The following C19orf38 variants were observed in gnomAD, a reference collection of about 807,000 sequenced individuals.
C19orf38 encodes the protein protein HIDE1.
In C19orf38, 14 loss-of-function variants were observed where a neutral mutation model predicts 26.6. The ratio of observed to expected loss-of-function variants is 0.53; its 90% CI spans 0.35 to 0.82. C19orf38 has a LOEUF of 0.82. Among genes scored for constraint, C19orf38 ranks in the 40% least tolerant of loss-of-function variants. The pLI is 0.01. For synonymous variants in C19orf38, 132 were observed against 128.5 expected (o/e 1.03, Z -0.18); for missense variants, 261 against 299.5 (o/e 0.87, Z 0.95).
intron 5 of C19orf38, 121 bp downstream of exon 5, chr19:10,860,079 C>G: frequency 1.0e-6 from 1 of 1,003,798 alleles, no homozygotes; most frequent in Non-Finnish European, 1.5e-6. Flanking sequence ...AGGGTCAAAA[C>G]ACACCCTCGC....
intron 6 of C19orf38, 75 bp from the exon 7 acceptor site, chr19:10,869,143 C>T: frequency 6.5e-7 from 1 of 1,527,406 alleles, no homozygotes; most frequent in Non-Finnish European, 8.9e-7. Context: ...GAGTCTCAGG[C>T]TCAGAACATG....
intron 3 of C19orf38, among the ~76,000 whole-genome samples, chr19:10,857,362 A>ATTTTTTT (rs1304594112): frequency 1.3e-4 from 11 of 81,604 alleles, no homozygotes; most frequent in African/African-American, 9.7e-4. Flanking sequence ...ATATATATAT[A>ATTTTTTT]TATATTTTTT....
intron 6 of C19orf38, among the ~76,000 whole-genome samples, chr19:10,868,608 G>C (rs993149922): frequency 6.6e-6 from 1 of 152,136 alleles, no homozygotes; most frequent in Non-Finnish European, 1.5e-5. Flanking sequence ...TCACCTCCTG[G>C]GTTCAGGTGA....
intron 2 of C19orf38, among the ~76,000 whole-genome samples, chr19:10,855,103 T>C (rs987265666): frequency 1.4e-5 from 2 of 139,622 alleles, no homozygotes; most frequent in Non-Finnish European, 3.1e-5. Context: ...AATGGCCCAA[T>C]CTCGGCTCAC....
At chr19:10,856,910 C>T (rs2073631645) in intron 3 of C19orf38, among the ~76,000 whole-genome samples, 2 of 152,064 alleles carry the variant, frequency 1.3e-5, no homozygotes, top group Admixed American at 1.3e-4. Flanking sequence ...AGTTCTCCTG[C>T]CTCAGCCTCC....
chr19:10,859,346 G>GTA (rs2073668267), intron 4 of C19orf38, among the ~76,000 whole-genome samples: 3 of 44,114 alleles, frequency 6.8e-5, no homozygotes, highest in Non-Finnish European at 7.9e-5. Flanking sequence ...GTGTGTGTGT[G>GTA]TGTATATATA....
rs1343132921 is a variant in C19orf38, at chr19:10,857,943, C to G, written c.434-373C>G. ...GAAAGAAAGAAAGAAAAATCTGAGG[C>G]CTTCCAGGCTGGGTGGGGTGGCTTG... On this transcript the variant is annotated intron_variant, in intron 3 of 6. Coordinates refer to ENST00000397820, the MANE Select transcript of C19orf38 (RefSeq NM_001136482.3). 4.2e-5 allele frequency among the ~76,000 whole-genome samples: 6 copies of G among 143,746 alleles called. No individual in the cohort carries two copies. In the Admixed American group the frequency reaches 4.2e-4, roughly 10 times the overall value. 94.3% of individuals were successfully genotyped at this position (143,746 alleles called of 152,430 possible). A position where few individuals can be genotyped will look rare whatever the true frequency, so the allele number is the denominator to read the frequency against.
At chr19:10,866,160 C>T (rs1158568160) in intron 6 of C19orf38, among the ~76,000 whole-genome samples, 1 of 151,482 alleles carries the variant, frequency 6.6e-6, no homozygotes. Flanking sequence ...GCCTCAGCCT[C>T]CCAAGTAGCT....
At chr19:10,868,746 TC>T (rs1469497842) in intron 6 of C19orf38, among the ~76,000 whole-genome samples, 1 of 152,160 alleles carries the variant, frequency 6.6e-6, no homozygotes, top group Non-Finnish European at 1.5e-5. Flanking sequence ...CCTGAGGTGA[TC>T]CACCCACCTC....
intron 2 of C19orf38, among the ~76,000 whole-genome samples, chr19:10,853,908 T>G (rs1285168693): frequency 6.6e-6 from 1 of 150,990 alleles, no homozygotes; most frequent in Non-Finnish European, 1.5e-5. Context: ...TGTTTTTTTT[T>G]TTTTTTTTTT....
At chr19:10,865,994 T>C (rs1226065434) in intron 6 of C19orf38, among the ~76,000 whole-genome samples, 1 of 151,402 alleles carries the variant, frequency 6.6e-6, no homozygotes, top group African/African-American at 2.4e-5. Context: ...TTTTTATATA[T>C]ATATTTATTT....
In C19orf38 at chr19:10,859,963, G is replaced by A. The variant is rs1431843894; in HGVS notation, c.505+5G>A. ...AGATTAACTTCGACAGCACAGGTCT[G>A]TGCCTCCACACTCCTGACTCCAGTG... is the stretch of plus-strand genomic sequence containing the variant. On this transcript the variant is annotated splice_donor_5th_base_variant and intron_variant, in intron 5 of 6. Coordinates refer to ENST00000397820, the MANE Select transcript of C19orf38 (RefSeq NM_001136482.3). 2 of 1,551,166 alleles carry A rather than the reference G, an allele frequency of 1.3e-6. No individual in the cohort carries two copies. The highest frequency in any genetic ancestry group is 1.7e-6 in the Non-Finnish European group (2 of 1,146,288).
rs546766032 is a variant in C19orf38 at position 10,857,813 on chromosome 19, A to G, written c.434-503A>G. On this transcript the variant is annotated intron_variant, in intron 3 of 6. Coordinates refer to ENST00000397820, the MANE Select transcript of C19orf38 (RefSeq NM_001136482.3). Reference sequence around the variant, plus strand: ...GAAGAATCGCTTGAACCTGGGAGGCAGAGGTTGCAGTGAGTCAAGATCATA... The same window carrying G: ...GAAGAATCGCTTGAACCTGGGAGGCGGAGGTTGCAGTGAGTCAAGATCATA... Among the ~76,000 whole-genome samples, 12 of 151,652 alleles carry G rather than the reference A, an allele frequency of 7.9e-5. No homozygotes were observed. In the East Asian group the frequency reaches 2.4e-3, roughly 30 times the overall value.
chr19:10,848,799 C>G lies in C19orf38; in HGVS notation c.31+260C>G, dbSNP rs778254883. ...CCTCTGGAGTCAGCTGTGCCCACAC[C>G]CCATGATTCAGCCCCGCTTCGTCTC... On this transcript the variant is annotated intron_variant, in intron 1 of 6. Coordinates refer to ENST00000397820, the MANE Select transcript of C19orf38 (RefSeq NM_001136482.3). Among the ~76,000 whole-genome samples, 37 of 152,154 alleles carry G rather than the reference C, an allele frequency of 2.4e-4. No individual in the cohort carries two copies. The South Asian group carries it at 2.7e-3, about 11-fold the overall frequency.
At chr19:10,849,602 G>A (rs574370115) in intron 1 of C19orf38, among the ~76,000 whole-genome samples, 60 of 152,212 alleles carry the variant, frequency 3.9e-4, no homozygotes, top group Non-Finnish European at 7.2e-4. Flanking sequence ...ATAAAAATTA[G>A]CCAGGCATGG....
chr19:10,860,819 C>G (rs1211495791), intron 5 of C19orf38, among the ~76,000 whole-genome samples: 4 of 110,544 alleles, frequency 3.6e-5, no homozygotes, highest in Non-Finnish European at 5.4e-5. Flanking sequence ...CCAGCCTGGG[C>G]GACAGAGCGA....
chr19:10,848,423 C>A lies in C19orf38; in HGVS notation c.-86C>A. 1 of 1,426,838 alleles carries A rather than the reference C, an allele frequency of 7.0e-7. No homozygotes were observed. Among genetic ancestry groups the A allele is most frequent in the Non-Finnish European group, 9.7e-7 (1 of 1,035,214 alleles). The allele number at this position is 1,426,838 out of a possible 1,614,324, so 88.4% of individuals were successfully genotyped here. A position where few individuals can be genotyped will look rare whatever the true frequency, so the allele number is the denominator to read the frequency against. On this transcript the variant is annotated 5_prime_UTR_variant, in exon 1 of 7. Transcript: ENST00000397820. Reference sequence around the variant, plus strand: ...GAGAATCAGCCCTGGTTCTCCTTTCCCCGATCTGGCCTCACAGGAGGAGTT... The same window carrying A: ...GAGAATCAGCCCTGGTTCTCCTTTCACCGATCTGGCCTCACAGGAGGAGTT...
chr19:10,866,394 C>T (rs1320492091), intron 6 of C19orf38, among the ~76,000 whole-genome samples: 6 of 136,100 alleles, frequency 4.4e-5, no homozygotes, highest in African/African-American at 1.1e-4. Context: ...TTAGTAGAAG[C>T]GGAGTTTCTC....
At chr19:10,854,289 C>A (rs2073602927) in intron 2 of C19orf38, among the ~76,000 whole-genome samples, 1 of 152,034 alleles carries the variant, frequency 6.6e-6, no homozygotes, top group South Asian at 2.1e-4. Flanking sequence ...GTCTTCAACT[C>A]CTGACCTCAA....
Sources: allele counts gnomAD v4.1 joint callset (sites outside exome capture counted in the v4.1 genomes callset), GRCh38; gene constraint gnomAD v4.1.1; transcripts MANE v1.5; gene names NCBI Gene and HGNC (gene_info 2026-07-23, HGNC 2026-07-21).